PPIL2: variants seen among roughly 807,000 people sequenced by gnomAD.
PPIL2 encodes peptidylprolyl isomerase like 2.
PPIL2 carries 50 observed loss-of-function variants against 75.2 expected under a neutral mutation model. That is an observed-to-expected ratio of 0.66 (90% confidence interval 0.53 to 0.84). PPIL2 has a LOEUF of 0.84. Among genes scored for constraint, PPIL2 ranks in the 40% least tolerant of loss-of-function variants. The probability of loss-of-function intolerance (pLI) is 0.00; values close to 1 mark genes in which losing one functional copy is unlikely to be tolerated. For missense variants in PPIL2, 590 were observed against 685.0 expected (o/e 0.86, Z 1.55); for synonymous variants, 245 against 258.8 (o/e 0.95, Z 0.51).
At chr22:21,676,340 T>TG (rs1555894901) in intron 6 of PPIL2, among the ~76,000 whole-genome samples, 8 of 150,868 alleles carry the variant, frequency 5.3e-5, no homozygotes, top group Admixed American at 6.6e-5. Flanking sequence ...TGTGTGTGTG[T>TG]TATTGTTTAT....
chr22:21,670,969 C>G (rs1454054253), intron 3 of PPIL2, 28 bp from the exon 4 acceptor site: 5 of 1,593,900 alleles, frequency 3.1e-6, no homozygotes, highest in Non-Finnish European at 4.3e-6. Flanking sequence ...TGCGTGGCAA[C>G]TCACCAGGAA....
intron 10 of PPIL2, among the ~76,000 whole-genome samples, chr22:21,686,091 G>A (rs981592410): frequency 4.6e-5 from 7 of 152,126 alleles, no homozygotes; most frequent in African/African-American, 1.7e-4. Context: ...GAGCCCAGGA[G>A]TTGGAGGCTG....
intron 6 of PPIL2, among the ~76,000 whole-genome samples, chr22:21,679,815 C>T (rs980125015): frequency 2.6e-5 from 4 of 151,348 alleles, no homozygotes; most frequent in African/African-American, 9.7e-5. Flanking sequence ...AGGCCAGGTG[C>T]GGTGGCTCAC....
chr22:21,694,897 C>G (rs199873979), intron 18 of PPIL2, 40 bp from the exon 19 acceptor site: 2 of 1,605,550 alleles, frequency 1.2e-6, no homozygotes, highest in Middle Eastern at 1.7e-4. Context: ...CTGTCCTGCC[C>G]GAGGTGCTGC....
At position 21,670,460 on chromosome 22, in the gene PPIL2, A is replaced by C. The variant is rs1402214022; in HGVS notation, c.83-106A>C. On this transcript the variant is annotated intron_variant, in intron 2 of 19. Transcript: ENST00000398831. ...TCCACAGCAATTGCTGTACTTAAAA[A>C]TTTGCATGAACTTTTTCATAAGCTG... 4.0e-6 allele frequency: 6 copies of C among 1,495,542 alleles called. No individual in the cohort carries two copies. In the African/African-American group the frequency reaches 4.2e-5, roughly 10 times the overall value. 92.6% of individuals were successfully genotyped at this position (1,495,542 alleles called of 1,614,324 possible). A position where few individuals can be genotyped will look rare whatever the true frequency, so the allele number is the denominator to read the frequency against.
At chr22:21,688,548 T>G (rs535585050) in intron 14 of PPIL2, among the ~76,000 whole-genome samples, 184 bp from the exon 15 acceptor site, 16 of 152,270 alleles carry the variant, frequency 1.1e-4, no homozygotes, top group African/African-American at 3.6e-4. Flanking sequence ...CCTGCCTGTT[T>G]GGAGGCGTGG....
chr22:21,692,232 T>C (rs1461908944), intron 15 of PPIL2, among the ~76,000 whole-genome samples: 1 of 151,516 alleles, frequency 6.6e-6, no homozygotes, highest in Non-Finnish European at 1.5e-5. Context: ...CTCGGCTCAC[T>C]GCAAGCTCCG....
At chr22:21,694,863 A>T in intron 18 of PPIL2, 46 bp downstream of exon 18, 1 of 1,590,134 alleles carries the variant, frequency 6.3e-7, no homozygotes, top group Non-Finnish European at 8.6e-7. Flanking sequence ...GGGCTAGTGC[A>T]CTTTTCCACC....
In PPIL2 at chr22:21,696,332, G is replaced by A; in HGVS notation, c.*842G>A. 9.0e-6 allele frequency: 10 copies of A among 1,105,314 alleles called. 1 individual carries two copies. Among genetic ancestry groups the A allele is most frequent in the Non-Finnish European group, 1.1e-5 (10 of 901,806 alleles). 68.5% of individuals were successfully genotyped at this position (1,105,314 alleles called of 1,614,324 possible). A position where few individuals can be genotyped will look rare whatever the true frequency, so the allele number is the denominator to read the frequency against. ...AGAATCTTGAGGGGACCCACACTGG[G>A]TTGAGGCCAGTGTCTCCTGCTGTGA... On this transcript the variant is annotated 3_prime_UTR_variant, in exon 20 of 20. Transcript: ENST00000398831.
At chr22:21,669,664 T>C (rs2066550288) in intron 1 of PPIL2, among the ~76,000 whole-genome samples, 3 of 152,140 alleles carry the variant, frequency 2.0e-5, no homozygotes. Context: ...CATGCCCAGC[T>C]AATTTTTGTA....
Position 21,694,984 on chromosome 22 carries a change from A to C in PPIL2, c.1380A>C (p.Lys460Asn). The change falls in exon 19 of 20, where the codon AAA (lysine) becomes AAC (asparagine). Residue 460 changes from lysine to asparagine, a missense_variant. Lys to Asn is a moderately conservative substitution (Grantham distance 94). Coordinates refer to ENST00000398831, the MANE Select transcript of PPIL2 (RefSeq NM_014337.4). ...AGCTCAAGGTAGCCCCGGAGACCAAAGTGAAGAGCAGCCAGCCCCAGGCAG... is the reference window on the plus strand; with the variant it reads ...AGCTCAAGGTAGCCCCGGAGACCAACGTGAAGAGCAGCCAGCCCCAGGCAG... ...KTQLKVAPET[K>N]VKSSQPQAGS... 2 of 1,613,784 alleles carry C rather than the reference A, an allele frequency of 1.2e-6. No individual in the cohort carries two copies. Among genetic ancestry groups the C allele is most frequent in the Non-Finnish European group, 1.7e-6 (2 of 1,180,014 alleles).
At chr22:21,695,287 C>A in intron 19 of PPIL2, 107 bp from the exon 20 acceptor site, 1 of 1,359,624 alleles carries the variant, frequency 7.4e-7, no homozygotes, top group Non-Finnish European at 1.0e-6. Flanking sequence ...GTGGGAGCAG[C>A]AGGTGGGAGG....
intron 1 of PPIL2, 115 bp downstream of exon 1, chr22:21,666,246 G>A (rs1484362855): frequency 3.2e-6 from 4 of 1,245,698 alleles, no homozygotes; most frequent in Non-Finnish European, 4.4e-6. Context: ...CAGCCCAAAG[G>A]TCACTTCCTC....
intron 16 of PPIL2, among the ~76,000 whole-genome samples, chr22:21,694,364 G>GA (rs1297464087): frequency 6.6e-6 from 1 of 150,984 alleles, no homozygotes; most frequent in Non-Finnish European, 1.5e-5. Flanking sequence ...GTGGGTGGGG[G>GA]AAACCAAAAA....
chr22:21,684,231 G>A (rs543884573), intron 9 of PPIL2, among the ~76,000 whole-genome samples: 7 of 150,142 alleles, frequency 4.7e-5, no homozygotes, highest in African/African-American at 1.7e-4. Context: ...GGTGGGTCAC[G>A]CCTGTAATCC....
At chr22:21,691,688 C>CA (rs60680575) in intron 15 of PPIL2, among the ~76,000 whole-genome samples, 27,602 of 133,832 alleles carry the variant, frequency 0.21, 3,353 homozygotes, top group African/African-American at 0.36. Context: ...ACTCCGTCTC[C>CA]AAAAAAAAAA....
At chr22:21,670,823 G>A in intron 3 of PPIL2, 174 bp from the exon 4 acceptor site, 1 of 846,336 alleles carries the variant, frequency 1.2e-6, no homozygotes, top group East Asian at 2.4e-5. Flanking sequence ...CACCAGGGGT[G>A]GCACAAACAC....
chr22:21,694,529 G>C, intron 16 of PPIL2, 64 bp from the exon 17 acceptor site: 1 of 1,578,764 alleles, frequency 6.3e-7, no homozygotes, highest in Non-Finnish European at 8.7e-7. Flanking sequence ...ACGTGCCTTG[G>C]GGCTCAGCCG....
At position 21,684,806 on chromosome 22, in the gene PPIL2, G is replaced by A. The variant is rs774866680; in HGVS notation, c.607G>A (p.Glu203Lys). Reference sequence around the variant, plus strand: ...TTATTATCTGAAAAATACAAATGCCGAGACCCGAGAGACCCTGCAGGAGCT... The same window carrying A: ...TTATTATCTGAAAAATACAAATGCCAAGACCCGAGAGACCCTGCAGGAGCT... Reference protein sequence around the residue: ...PSYYLKNTNAETRETLQELYK... With the variant: ...PSYYLKNTNAKTRETLQELYK... The change falls in exon 10 of 20, where the codon GAG (glutamate) becomes AAG (lysine). Residue 203 changes from glutamate (E) to lysine (K), a missense_variant. By Grantham distance (56) the Glu-to-Lys change is moderately conservative (BLOSUM62 1). Transcript: ENST00000398831. 1.9e-5 allele frequency: 30 copies of A among 1,614,058 alleles called. No homozygotes were observed. The highest frequency in any genetic ancestry group is 4.4e-5 in the South Asian group (4 of 91,092).
Sources: gnomAD v4.1 joint callset for allele counts (sites outside exome capture counted in the v4.1 genomes callset) on GRCh38, gnomAD v4.1.1 for gene constraint, MANE v1.5 for transcripts, NCBI Gene and HGNC (gene_info 2026-07-23, HGNC 2026-07-21) for gene names.